Variants in FSTL4 observed in about 807,000 individuals in gnomAD.
FSTL4 encodes follistatin-related protein 4.
FSTL4 carries 28 observed loss-of-function variants against 78.2 expected under a neutral mutation model. The observed-to-expected ratio is 0.36, with a 90% CI of 0.27 to 0.49. The LOEUF is 0.49. FSTL4 is among the 20% of genes least tolerant of loss of function. The pLI is 0.98. For missense variants in FSTL4, 922 were observed against 1,084.9 expected, an observed-to-expected ratio of 0.85 and a Z score of 2.11; for synonymous variants, 422 against 440.5, an observed-to-expected ratio of 0.96 and a Z score of 0.53.
intron 3 of FSTL4, among the ~76,000 whole-genome samples, chr5:133,542,561 TA>T (rs34921101): frequency 6.6e-6 from 1 of 152,222 alleles, no homozygotes; most frequent in African/African-American, 2.4e-5. Flanking sequence ...TACCCACTGG[TA>T]AAATATCTGG....
At chr5:133,764,394 G>A in the FSTL4 span, among the ~76,000 whole-genome samples, 4,849 of 152,176 alleles carry the variant, frequency 0.032, 279 homozygotes, top group African/African-American at 0.11. Context: ...TGATGCACCA[G>A]GCATGATTCC....
chr5:133,367,736 A>G (rs901028450), intron 4 of FSTL4, among the ~76,000 whole-genome samples: 5 of 152,246 alleles, frequency 3.3e-5, no homozygotes, highest in African/African-American at 1.2e-4. Context: ...AGTAGGCCAC[A>G]TCAGGAGTTG....
chr5:133,781,165 C>T, the FSTL4 span, among the ~76,000 whole-genome samples: 2 of 152,286 alleles, frequency 1.3e-5, no homozygotes, highest in East Asian at 1.9e-4. Flanking sequence ...AGACATGCTG[C>T]CCCATGGCTG....
At chr5:133,804,942 CAAA>C in the FSTL4 span, among the ~76,000 whole-genome samples, 2 of 94,518 alleles carry the variant, frequency 2.1e-5, no homozygotes, top group Admixed American at 1.3e-4. Flanking sequence ...GACTCCGTCT[CAAA>C]AAAAAAAAAA....
At chr5:133,408,270 T>G (rs576031417) in intron 3 of FSTL4, among the ~76,000 whole-genome samples, 1 of 152,194 alleles carries the variant, frequency 6.6e-6, no homozygotes, top group East Asian at 1.9e-4. Context: ...TGGATAATTT[T>G]CTCAATACCA....
chr5:133,834,012 T>C, the FSTL4 span, among the ~76,000 whole-genome samples: 2 of 152,176 alleles, frequency 1.3e-5, no homozygotes, highest in African/African-American at 4.8e-5. Flanking sequence ...ACCTGGAAAC[T>C]GACCAAAGAA....
intron 6 of FSTL4, among the ~76,000 whole-genome samples, chr5:133,265,013 C>G (rs1045699811): frequency 6.6e-6 from 1 of 152,220 alleles, no homozygotes. Context: ...CACCCTCCCA[C>G]TCCTCTGAAG....
intron 3 of FSTL4, 114 bp from the exon 4 acceptor site, chr5:133,401,100 C>T (rs1661065587): frequency 8.6e-6 from 11 of 1,273,850 alleles, no homozygotes; most frequent in Non-Finnish European, 1.2e-5. Flanking sequence ...AGCCAAGCTA[C>T]TCAAGGTGGG....
At chr5:133,384,605 C>A (rs1755655200) in intron 4 of FSTL4, among the ~76,000 whole-genome samples, 1 of 152,178 alleles carries the variant, frequency 6.6e-6, no homozygotes, top group Admixed American at 6.5e-5. Flanking sequence ...TCTGCCCACT[C>A]CCCCGATTCA....
chr5:133,707,313 A>T, the FSTL4 span, among the ~76,000 whole-genome samples: 1 of 152,214 alleles, frequency 6.6e-6, no homozygotes, highest in African/African-American at 2.4e-5. Context: ...CTTGCCTATC[A>T]CATGGTCTAG....
At chr5:133,280,988 GCAGGA>G (rs1188816101) in intron 6 of FSTL4, among the ~76,000 whole-genome samples, 1 of 152,164 alleles carries the variant, frequency 6.6e-6, no homozygotes, top group Non-Finnish European at 1.5e-5. Flanking sequence ...TTCTCCAAGG[GCAGGA>G]ACCACATCTG....
At chr5:133,743,843 G>A in the FSTL4 span, among the ~76,000 whole-genome samples, 1 of 152,112 alleles carries the variant, frequency 6.6e-6, no homozygotes, top group East Asian at 1.9e-4. Context: ...TGGAGCTTAC[G>A]AGCTCCTTCT....
At chr5:133,810,995 C>T in the FSTL4 span, among the ~76,000 whole-genome samples, 1 of 152,114 alleles carries the variant, frequency 6.6e-6, no homozygotes, top group Non-Finnish European at 1.5e-5. Flanking sequence ...GGCTGCTTTT[C>T]GTTAAAAGGA....
chr5:133,406,055 AAAAC>A (rs1446049551), intron 3 of FSTL4, among the ~76,000 whole-genome samples: 2 of 152,250 alleles, frequency 1.3e-5, no homozygotes, highest in Non-Finnish European at 2.9e-5. Flanking sequence ...GGCAAACAAA[AAAAC>A]AAGACAAGTG....
chr5:133,484,948 A>G (rs767574874), intron 3 of FSTL4, among the ~76,000 whole-genome samples: 23 of 152,238 alleles, frequency 1.5e-4, no homozygotes, highest in Non-Finnish European at 3.2e-4. Flanking sequence ...CTGCAGGGAA[A>G]GGTGCCATGC....
chr5:133,789,361 T>C, the FSTL4 span, among the ~76,000 whole-genome samples: 1 of 152,236 alleles, frequency 6.6e-6, no homozygotes, highest in Non-Finnish European at 1.5e-5. Context: ...AGCAAGATAA[T>C]GTTAGGTTTT....
chr5:133,682,131 TA>T, the FSTL4 span, among the ~76,000 whole-genome samples: 1 of 152,156 alleles, frequency 6.6e-6, no homozygotes, highest in African/African-American at 2.4e-5. Flanking sequence ...TGCACAAGGA[TA>T]GCCCCACCCA....
chr5:133,295,836 C>T (rs562947830), intron 6 of FSTL4, among the ~76,000 whole-genome samples: 11 of 152,308 alleles, frequency 7.2e-5, no homozygotes, highest in African/African-American at 2.4e-4. Context: ...TCCCACTCCT[C>T]TTCCTGACCT....
At chr5:133,827,081 C>T in the FSTL4 span, among the ~76,000 whole-genome samples, 1 of 152,222 alleles carries the variant, frequency 6.6e-6, no homozygotes, top group Non-Finnish European at 1.5e-5. Flanking sequence ...TGCAGAGGAG[C>T]CATTTGCTTT....
Sources: allele counts gnomAD v4.1 joint callset (sites outside exome capture counted in the v4.1 genomes callset), GRCh38; gene constraint gnomAD v4.1.1; transcripts MANE v1.5; gene names NCBI Gene and HGNC (gene_info 2026-07-23, HGNC 2026-07-21).